AP2B1: variants seen among roughly 807,000 people sequenced by gnomAD.
The protein encoded by AP2B1 is AP-2 complex subunit beta.
A neutral mutation model predicts 102.0 loss-of-function variants in AP2B1; 23 were observed. That is an observed-to-expected ratio of 0.23 (90% CI 0.16 to 0.32). The LOEUF (loss-of-function observed/expected upper bound fraction) is 0.32. Ranked by LOEUF, AP2B1 falls within the 10% of genes least tolerant of loss-of-function variation. AP2B1 has a pLI of 1.00. For missense variants in AP2B1, 541 were observed against 1,157.4 expected (o/e 0.47, Z 7.73); for synonymous variants, 381 against 421.2 (o/e 0.90, Z 1.17).
At chr17:35,597,025 GGCGGCGAA>G (rs1240458825) in intron 2 of AP2B1, 1 of 612,338 alleles carries the variant, frequency 1.6e-6, no homozygotes, top group African/African-American at 1.8e-5. Context: ...GGACACAGGT[GGCGGCGAA>G]GCCCCGTTGT....
Position 35,657,583 on chromosome 17 carries a change from GTGTA to G in AP2B1, c.1797-12_1797-9del, listed in dbSNP as rs2075261696. Reference sequence around the variant, plus strand: ...GACTTTTCTCTTTTCTCCATTTTATGTGTATGTGACTTTAGCACTGATGCAGGTG... The same window carrying G: ...GACTTTTCTCTTTTCTCCATTTTATGTGTGACTTTAGCACTGATGCAGGTG... On this transcript the variant is annotated splice_polypyrimidine_tract_variant and intron_variant, in intron 13 of 21. Transcript: ENST00000610402. 1.9e-6 allele frequency: 3 copies of G among 1,595,062 alleles called. No individual in the cohort carries two copies. The highest frequency in any genetic ancestry group is 2.6e-6 in the Non-Finnish European group (3 of 1,167,664).
In AP2B1 at chr17:35,626,851, A is replaced by G; in HGVS notation, c.938+9A>G. The G allele has an allele frequency of 6.2e-7, 1 of 1,611,264 alleles. No individual in the cohort carries two copies. Among genetic ancestry groups the G allele is most frequent in the Non-Finnish European group, 8.5e-7 (1 of 1,177,542 alleles). On this transcript the variant is annotated intron_variant, in intron 7 of 21. Coordinates refer to ENST00000610402, the MANE Select transcript of AP2B1 (RefSeq NM_001030006.2). ...TTAATTGTCCAGAAAAGGTTGGGAA[A>G]TAGCGAAGTGTTGATTAAAGTGTTT...
At chr17:35,597,585 T>C (rs1000079994) in intron 2 of AP2B1, among the ~76,000 whole-genome samples, 1 of 152,228 alleles carries the variant, frequency 6.6e-6, no homozygotes, top group African/African-American at 2.4e-5. Flanking sequence ...TTCTCAACAT[T>C]GGGTGTGCGT....
At chr17:35,643,459 T>C (rs537083585) in intron 12 of AP2B1, among the ~76,000 whole-genome samples, 56 of 152,344 alleles carry the variant, frequency 3.7e-4, no homozygotes, top group African/African-American at 1.3e-3. Context: ...GCCTATGTGA[T>C]TGTATTTAAC....
intron 5 of AP2B1, among the ~76,000 whole-genome samples, chr17:35,610,834 G>A (rs1172974608): frequency 6.6e-6 from 1 of 151,616 alleles, no homozygotes; most frequent in African/African-American, 2.4e-5. Flanking sequence ...GTGAACCCAG[G>A]AGGCGGAGCT....
At chr17:35,686,358 T>G (rs2075930704) in intron 18 of AP2B1, among the ~76,000 whole-genome samples, 3 of 152,242 alleles carry the variant, frequency 2.0e-5, no homozygotes, top group Non-Finnish European at 4.4e-5. Flanking sequence ...ATGAGTTTTC[T>G]CTGACTCTTG....
At chr17:35,676,121 TC>T (rs1335265100) in intron 17 of AP2B1, among the ~76,000 whole-genome samples, 1 of 152,216 alleles carries the variant, frequency 6.6e-6, no homozygotes, top group Non-Finnish European at 1.5e-5. Flanking sequence ...ACAGTCTCAA[TC>T]TTGCTGATTC....
intron 3 of AP2B1, 59 bp downstream of exon 3, chr17:35,598,394 C>T: frequency 1.0e-6 from 1 of 994,476 alleles, no homozygotes; most frequent in Non-Finnish European, 1.5e-6. Flanking sequence ...ATCTTATGGC[C>T]TTTACTGCTT....
intron 20 of AP2B1, among the ~76,000 whole-genome samples, chr17:35,715,088 T>C (rs2076527110): frequency 6.6e-6 from 1 of 152,196 alleles, no homozygotes; most frequent in Admixed American, 6.5e-5. Flanking sequence ...TCAAACCTAA[T>C]AACTAAAATG....
At chr17:35,616,848 GA>G (rs1371874698) in intron 5 of AP2B1, among the ~76,000 whole-genome samples, 1 of 152,186 alleles carries the variant, frequency 6.6e-6, no homozygotes, top group Non-Finnish European at 1.5e-5. Flanking sequence ...TCAGGCTCTA[GA>G]ACCAAATAGA....
intron 13 of AP2B1, among the ~76,000 whole-genome samples, chr17:35,651,192 C>G (rs911921949): frequency 8.5e-5 from 13 of 152,122 alleles, no homozygotes; most frequent in Non-Finnish European, 1.0e-4. Context: ...TGATCCATTA[C>G]TGTAGCTTTT....
intron 17 of AP2B1, among the ~76,000 whole-genome samples, chr17:35,680,643 T>G (rs1479142383): frequency 6.6e-6 from 1 of 151,630 alleles, no homozygotes; most frequent in Non-Finnish European, 1.5e-5. Context: ...CCCAAAGTGT[T>G]GGGATTACAG....
intron 1 of AP2B1, among the ~76,000 whole-genome samples, chr17:35,588,047 GC>G (rs1210560525): frequency 6.9e-6 from 1 of 145,474 alleles, no homozygotes; most frequent in Admixed American, 7.1e-5. Context: ...GCAAATGGGG[GC>G]AAATCTTAAC....
chr17:35,594,265 C>G (rs1486433180), intron 2 of AP2B1, among the ~76,000 whole-genome samples, 198 bp downstream of exon 2: 1 of 152,172 alleles, frequency 6.6e-6, no homozygotes, highest in African/African-American at 2.4e-5. Flanking sequence ...GGCTGTGATG[C>G]ACATTATTAT....
intron 1 of AP2B1, among the ~76,000 whole-genome samples, chr17:35,590,065 A>G (rs2073043685): frequency 6.6e-6 from 1 of 151,574 alleles, no homozygotes; most frequent in Non-Finnish European, 1.5e-5. Context: ...AGCTGGGACT[A>G]CAGGCGCCCG....
At chr17:35,665,480 A>G (rs957570475) in intron 14 of AP2B1, among the ~76,000 whole-genome samples, 3 of 152,192 alleles carry the variant, frequency 2.0e-5, no homozygotes, top group Non-Finnish European at 2.9e-5. Flanking sequence ...GCTAAAAACC[A>G]TACTTTAACC....
chr17:35,599,152 G>A (rs1293096227), intron 3 of AP2B1, among the ~76,000 whole-genome samples: 2 of 152,150 alleles, frequency 1.3e-5, no homozygotes, highest in East Asian at 3.8e-4. Flanking sequence ...GATGAAATAG[G>A]GATTACCCAT....
Position 35,605,720 on chromosome 17 carries a change from C to A in AP2B1, c.159C>A (p.Asp53Glu), listed in dbSNP as rs575183143. 6.2e-7 allele frequency: 1 copy of A among 1,610,644 alleles called. No homozygotes were observed. Among genetic ancestry groups the A allele is most frequent in the Non-Finnish European group, 8.5e-7 (1 of 1,178,394 alleles). ...CTCTTCTCAGTTCTCTCTTTCCAGA[C>A]GTAGTGAACTGTATGCAGACTGACA... The part of the protein sequence containing the change: ...VGKDVSSLFP[D>E]VVNCMQTDNL... The change falls in exon 4 of 22, where the codon GAC becomes GAA. Residue 53 changes from aspartate to glutamate, a missense_variant. Around this residue, in one of 10 missense-constraint regions of AP2B1, gnomAD observed 18 missense variants for 23.8 expected, o/e 0.76. Coordinates refer to ENST00000610402, the MANE Select transcript of AP2B1 (RefSeq NM_001030006.2).
chr17:35,593,360 A>C (rs1247834313), intron 1 of AP2B1, among the ~76,000 whole-genome samples: 1 of 152,198 alleles, frequency 6.6e-6, no homozygotes, highest in Non-Finnish European at 1.5e-5. Flanking sequence ...TCCCATTTAC[A>C]CTAATGTAAT....
Sources: allele counts gnomAD v4.1 joint callset (sites outside exome capture counted in the v4.1 genomes callset), GRCh38; gene constraint gnomAD v4.1.1; regional missense constraint gnomAD v4.1.1; transcripts MANE v1.5; gene names NCBI Gene and HGNC (gene_info 2026-07-23, HGNC 2026-07-21).